Variants in ST6GALNAC3 observed in about 807,000 individuals in gnomAD.
ST6GALNAC3 encodes ST6 N-acetylgalactosaminide alpha-2,6-sialyltransferase 3.
Under a neutral mutation model 32.7 loss-of-function variants are expected in ST6GALNAC3, and 25 were observed. The ratio of observed to expected loss-of-function variants is 0.76; its 90% CI spans 0.56 to 1.07. ST6GALNAC3 has a LOEUF of 1.07. Ranked by LOEUF, ST6GALNAC3 falls within the 50% of genes least tolerant of loss-of-function variation. The probability of loss-of-function intolerance (pLI) is 0.00; values close to 1 mark genes in which losing one functional copy is unlikely to be tolerated. For synonymous variants in ST6GALNAC3, 129 were observed against 133.1 expected (o/e 0.97, Z 0.21); for missense variants, 355 against 382.4 (o/e 0.93, Z 0.60).
chr1:76,625,861 T>C (rs1326605740), intron 3 of ST6GALNAC3, among the ~76,000 whole-genome samples: 2 of 151,908 alleles, frequency 1.3e-5, no homozygotes, highest in Non-Finnish European at 2.9e-5. Flanking sequence ...ATATTTTCCA[T>C]ACACCAGAAG....
chr1:76,251,879 C>T (rs1657637852), intron 1 of ST6GALNAC3, among the ~76,000 whole-genome samples: 1 of 152,096 alleles, frequency 6.6e-6, no homozygotes, highest in African/African-American at 2.4e-5. Context: ...CTTAGTGCCT[C>T]ACTCAGAAGA....
intron 3 of ST6GALNAC3, among the ~76,000 whole-genome samples, chr1:76,567,292 A>G (rs1665610538): frequency 6.6e-6 from 1 of 152,174 alleles, no homozygotes; most frequent in African/African-American, 2.4e-5. Flanking sequence ...GCAAGCTGGT[A>G]TAGGCTCTGA....
chr1:76,456,098 C>T (rs569236352), intron 3 of ST6GALNAC3, among the ~76,000 whole-genome samples: 24 of 152,162 alleles, frequency 1.6e-4, no homozygotes, highest in African/African-American at 5.1e-4. Context: ...CTTGAACCCA[C>T]GAGGTTGTGG....
chr1:76,499,175 C>T (rs1661034520), intron 3 of ST6GALNAC3, among the ~76,000 whole-genome samples: 1 of 152,142 alleles, frequency 6.6e-6, no homozygotes, highest in African/African-American at 2.4e-5. Context: ...TATCATTTTT[C>T]ACTAACTGGC....
chr1:76,614,400 T>A (rs1398952385), intron 3 of ST6GALNAC3, among the ~76,000 whole-genome samples: 3 of 152,188 alleles, frequency 2.0e-5, no homozygotes, highest in African/African-American at 7.2e-5. Flanking sequence ...TACCACATTA[T>A]AACGACCTAG....
At chr1:76,297,065 A>C (rs963846569) in intron 1 of ST6GALNAC3, among the ~76,000 whole-genome samples, 12 of 152,024 alleles carry the variant, frequency 7.9e-5, no homozygotes, top group Non-Finnish European at 1.6e-4. Flanking sequence ...AAAGCCTATA[A>C]AGGGAGGACT....
chr1:76,391,636 A>G (rs1652574732), intron 2 of ST6GALNAC3, among the ~76,000 whole-genome samples: 1 of 148,686 alleles, frequency 6.7e-6, no homozygotes, highest in African/African-American at 2.5e-5. Flanking sequence ...CCTATAGCAC[A>G]TAACATTGGA....
rs905068529 is a variant in ST6GALNAC3, at chr1:76,473,944, G to GA, written c.623+61537dup. ...CCATGTTAGAATCCTGAGCTAACAAGAAAAAAAAAAGCTTTAATTTCCCTG... is the reference window on the plus strand; with the variant it reads ...CCATGTTAGAATCCTGAGCTAACAAGAAAAAAAAAAAGCTTTAATTTCCCTG... On this transcript the variant is annotated intron_variant, in intron 3 of 4. Coordinates refer to ENST00000328299, the MANE Select transcript of ST6GALNAC3 (RefSeq NM_152996.4). Among the ~76,000 whole-genome samples, 1,045 of 146,788 alleles carry GA rather than the reference G, an allele frequency of 7.1e-3. 46 individuals carry two copies. The highest frequency in any genetic ancestry group is 0.064 in the Admixed American group (938 of 14,724).
rs1412457103 is a variant in ST6GALNAC3 at position 76,442,032 on chromosome 1, T to C, written c.623+29615T>C. Among the ~76,000 whole-genome samples, 3 of 152,296 alleles carry C rather than the reference T, an allele frequency of 2.0e-5. No homozygotes were observed. The East Asian group carries it at 5.8e-4, about 29-fold the overall frequency. ...ACTGTAATAAATACTAGTGTGCAGG[T>C]GCATGGGGCAAGTAGTGCAACTGAG... On this transcript the variant is annotated intron_variant, in intron 3 of 4. Coordinates refer to ENST00000328299, the MANE Select transcript of ST6GALNAC3 (RefSeq NM_152996.4).
At chr1:76,411,148 T>G (rs886420296) in intron 2 of ST6GALNAC3, among the ~76,000 whole-genome samples, 1 of 152,142 alleles carries the variant, frequency 6.6e-6, no homozygotes, top group African/African-American at 2.4e-5. Flanking sequence ...ATCTATTTGG[T>G]TGTTTTAGGA....
chr1:76,316,751 T>C (rs1170737375), intron 2 of ST6GALNAC3, among the ~76,000 whole-genome samples: 1 of 152,118 alleles, frequency 6.6e-6, no homozygotes, highest in East Asian at 1.9e-4. Flanking sequence ...TTATTAAGTA[T>C]AAATTTATGG....
At chr1:76,225,749 T>A (rs975315184) in intron 1 of ST6GALNAC3, among the ~76,000 whole-genome samples, 3 of 152,154 alleles carry the variant, frequency 2.0e-5, no homozygotes, top group Non-Finnish European at 4.4e-5. Flanking sequence ...ACAATAGAGA[T>A]GAAATGATGA....
intron 1 of ST6GALNAC3, among the ~76,000 whole-genome samples, chr1:76,185,895 C>T (rs180829865): frequency 6.6e-6 from 1 of 152,290 alleles, no homozygotes; most frequent in Admixed American, 6.5e-5. Context: ...TACAGTATAA[C>T]AAGTATTTAG....
chr1:76,078,870 T>C (rs1354112561), intron 1 of ST6GALNAC3, among the ~76,000 whole-genome samples: 1 of 152,162 alleles, frequency 6.6e-6, no homozygotes, highest in African/African-American at 2.4e-5. Flanking sequence ...AACCTCTGCC[T>C]CCTGGATTCA....
At chr1:76,575,616 TG>T (rs1646789895) in intron 3 of ST6GALNAC3, among the ~76,000 whole-genome samples, 1 of 151,994 alleles carries the variant, frequency 6.6e-6, no homozygotes, top group Non-Finnish European at 1.5e-5. Context: ...GGGGAGATGG[TG>T]GTAAGTCCAC....
intron 3 of ST6GALNAC3, among the ~76,000 whole-genome samples, chr1:76,527,091 TA>T (rs1662959302): frequency 6.6e-6 from 1 of 152,106 alleles, no homozygotes; most frequent in Non-Finnish European, 1.5e-5. Flanking sequence ...CTATGATTTG[TA>T]GGGGAGATTA....
chr1:76,113,014 C>G (rs982655132), intron 1 of ST6GALNAC3, among the ~76,000 whole-genome samples: 10 of 152,144 alleles, frequency 6.6e-5, no homozygotes, highest in Non-Finnish European at 1.3e-4. Flanking sequence ...TGTAGCGAGC[C>G]GAGATCACGC....
chr1:76,478,998 T>C (rs190238654), intron 3 of ST6GALNAC3, among the ~76,000 whole-genome samples: 129 of 151,982 alleles, frequency 8.5e-4, no homozygotes, highest in South Asian at 3.5e-3. Context: ...CTCCTGACCT[T>C]GTGATCTGCC....
At chr1:76,091,570 G>A (rs571700692) in intron 1 of ST6GALNAC3, among the ~76,000 whole-genome samples, 4 of 152,294 alleles carry the variant, frequency 2.6e-5, no homozygotes, top group African/African-American at 7.2e-5. Context: ...GCCACATGAC[G>A]ACGTTTCAGT....
Sources: allele counts gnomAD v4.1 joint callset (sites outside exome capture counted in the v4.1 genomes callset), GRCh38; gene constraint gnomAD v4.1.1; transcripts MANE v1.5; gene names NCBI Gene and HGNC (gene_info 2026-07-23, HGNC 2026-07-21).